Variants in PPOX observed in about 807,000 individuals in gnomAD.
The protein encoded by PPOX is protoporphyrinogen oxidase.
In PPOX, 23 loss-of-function variants were observed where a neutral mutation model predicts 54.1. The observed-to-expected ratio is 0.43, with a 90% confidence interval of 0.31 to 0.60. The LOEUF (loss-of-function observed/expected upper bound fraction) is 0.60, where lower values mean the gene tolerates loss of function less well. Ranked by LOEUF, PPOX falls within the 20% of genes least tolerant of loss-of-function variation. PPOX has a pLI of 0.13. For missense variants in PPOX, 512 were observed against 601.1 expected, an observed-to-expected ratio of 0.85 and a Z score of 1.55; for synonymous variants, 224 against 236.1, an observed-to-expected ratio of 0.95 and a Z score of 0.47.
chr1:161,171,306 C>T, downstream of PPOX: 1 of 1,463,358 alleles, frequency 6.8e-7, no homozygotes. Context: ...AAAGCAGGAG[C>T]AGATGCGAGA....
At chr1:161,173,354 C>T (rs924302559), downstream of PPOX, among the ~76,000 whole-genome samples, 13 of 152,090 alleles carry the variant, frequency 8.5e-5, no homozygotes, top group African/African-American at 2.7e-4. Flanking sequence ...TTCTGGAATC[C>T]GACGATACTA....
At chr1:161,170,128 C>T in intron 9 of PPOX, 104 bp downstream of exon 9, 1 of 1,367,824 alleles carries the variant, frequency 7.3e-7, no homozygotes, top group East Asian at 2.5e-5. Flanking sequence ...AGTTCGAGAC[C>T]AGCCTGGCCA....
downstream of PPOX, chr1:161,171,238 T>C: frequency 6.2e-7 from 1 of 1,611,124 alleles, no homozygotes. Flanking sequence ...GGCTGTTCTA[T>C]CACCTATAGG....
At chr1:161,166,014 G>A, upstream of PPOX, 3 of 872,152 alleles carry the variant, frequency 3.4e-6, no homozygotes, top group Non-Finnish European at 4.1e-6. Flanking sequence ...GTACGTTGCC[G>A]GGCGGCCCTA....
At chr1:161,167,610 G>C in intron 4 of PPOX, 124 bp downstream of exon 4, 1 of 1,291,316 alleles carries the variant, frequency 7.7e-7, no homozygotes, top group Non-Finnish European at 1.0e-6. Flanking sequence ...TCTCGCCCAG[G>C]ATGGAGTGCA....
intron 8 of PPOX, 40 bp from the exon 9 acceptor site, chr1:161,169,866 T>C: frequency 6.2e-7 from 1 of 1,614,138 alleles, no homozygotes. Flanking sequence ...ACAACTGTAA[T>C]GGGAATGCCT....
downstream of PPOX, among the ~76,000 whole-genome samples, chr1:161,175,430 C>T (rs1663134636): frequency 6.6e-6 from 1 of 152,084 alleles, no homozygotes. Context: ...CTTACCTAGC[C>T]TTCTCTTCTT....
downstream of PPOX, chr1:161,172,467 A>G (rs1661810548): frequency 6.9e-6 from 5 of 720,936 alleles, no homozygotes; most frequent in South Asian, 8.0e-5. Context: ...ACAGAAGTCA[A>G]ACAGAAAGAA....
At chr1:161,176,009 A>G (rs1367895370), downstream of PPOX, 1 of 1,614,100 alleles carries the variant, frequency 6.2e-7, no homozygotes, top group Non-Finnish European at 8.5e-7. Context: ...GCCAGCTGGG[A>G]GCCCACAAGC....
chr1:161,172,096 G>T (rs1359228721), downstream of PPOX: 4 of 1,613,928 alleles, frequency 2.5e-6, 1 homozygote, highest in East Asian at 8.9e-5. Flanking sequence ...AAATCTGAGG[G>T]TTAGAGGTTG....
chr1:161,166,520 C>G lies in PPOX; in HGVS notation c.-161C>G. The G allele has an allele frequency of 7.4e-7, 1 of 1,350,266 alleles. No homozygotes were observed. Among genetic ancestry groups the G allele is most frequent in the African/African-American group, 1.5e-5 (1 of 67,986 alleles). The allele number at this position is 1,350,266 out of a possible 1,614,324, so 83.6% of individuals were successfully genotyped here. A position where few individuals can be genotyped will look rare whatever the true frequency, so the allele number is the denominator to read the frequency against. On this transcript the variant is annotated 5_prime_UTR_variant, in exon 1 of 13. Coordinates refer to ENST00000367999, the MANE Select transcript of PPOX (RefSeq NM_001122764.3). ...CAGAGGTGTGGCAAGCAGAGCACCT[C>G]AGAACTCAGGCGTACTGCCCGCCGC...
Position 161,171,141 on chromosome 1 carries a change from GCAGT to G in PPOX, c.1404_1407del (p.Val470TrpfsTer?), listed in dbSNP as rs1335813750. 1.4e-5 allele frequency: 23 copies of G among 1,613,630 alleles called. No homozygotes were observed. The highest frequency in any genetic ancestry group is 2.2e-5 in the East Asian group (1 of 44,872). ...CTGTATAGAGAGTGGGCGCCAGGCAGCAGTCAGTGTCCTGGGCACAGAACCTAAC... is the reference window on the plus strand; with the variant it reads ...CTGTATAGAGAGTGGGCGCCAGGCAGCAGTGTCCTGGGCACAGAACCTAAC... On this transcript the variant is annotated frameshift_variant, in exon 13 of 13. Transcript: ENST00000367999. LOFTEE classifies it high-confidence loss of function.
intron 7 of PPOX, 190 bp from the exon 8 acceptor site, chr1:161,169,470 C>A (rs1660360614): frequency 5.4e-6 from 4 of 736,134 alleles, no homozygotes; most frequent in East Asian, 2.7e-5. Context: ...GTCTGGTCCA[C>A]TTCCTGGAGT....
In PPOX at chr1:161,176,303, C is replaced by G. The variant is rs549328744; in HGVS notation, c.373-546C>G. The stretch of plus-strand genomic sequence containing the variant: ...AGTTTCGCTCTCCTCTACCTCCCCC[C>G]AAACCACTCCCACCATCTACTGTCA... On this transcript the variant is annotated intron_variant, in intron 4 of 4. Transcript: ENST00000497522. The G allele has an allele frequency of 7.2e-4, 417 of 582,794 alleles. 3 individuals carry two copies. The highest frequency in any genetic ancestry group is 7.0e-3 in the African/African-American group (377 of 53,718). The allele number at this position is 582,794 out of a possible 1,614,324, so 36.1% of individuals were successfully genotyped here. A position where few individuals can be genotyped will look rare whatever the true frequency, so the allele number is the denominator to read the frequency against.
upstream of PPOX, chr1:161,166,044 G>GT: frequency 2.1e-6 from 2 of 968,836 alleles, no homozygotes; most frequent in Non-Finnish European, 1.2e-6. Context: ...GGCCCGGTCT[G>GT]TTGCTAACAT....
chr1:161,170,630 G>C lies in PPOX; in HGVS notation c.1109G>C (p.Gly370Ala). The C allele has an allele frequency of 6.2e-7, 1 of 1,614,210 alleles. No individual in the cohort carries two copies. Reference protein sequence around the residue: ...PPGLRVTVMLGGSWLQTLEAS... With the variant: ...PPGLRVTVMLAGSWLQTLEAS... The stretch of plus-strand genomic sequence containing the variant: ...ATATTCCCTCCTTAGGTGATGCTGG[G>C]AGGTTCCTGGTTACAGACACTGGAG... Residue 370 changes from glycine to alanine, a missense_variant, in exon 11 of 13, where the codon GGA (glycine) becomes GCA (alanine). Physicochemically the swap from Gly to Ala is moderately conservative, Grantham distance 60. Transcript: ENST00000367999.
downstream of PPOX, chr1:161,172,119 CA>C: frequency 6.2e-7 from 1 of 1,613,078 alleles, no homozygotes; most frequent in Non-Finnish European, 8.5e-7. Flanking sequence ...GACTAAGACC[CA>C]GAAAGGAACA....
chr1:161,170,149 A>AC (rs1159359019), intron 9 of PPOX, 125 bp downstream of exon 9: 3 of 1,218,982 alleles, frequency 2.5e-6, no homozygotes, highest in Non-Finnish European at 3.5e-6. Context: ...ACATGGTGAA[A>AC]CCCCATCTCT....
At chr1:161,172,327 G>A (rs1661755671), downstream of PPOX, 2 of 1,613,416 alleles carry the variant, frequency 1.2e-6, no homozygotes, top group Non-Finnish European at 8.5e-7. Flanking sequence ...CCAGCCAGGC[G>A]CACCCTATGG....
Sources: gnomAD v4.1 joint callset for allele counts (sites outside exome capture counted in the v4.1 genomes callset) on GRCh38, gnomAD v4.1.1 for gene constraint, MANE v1.5 for transcripts, NCBI Gene and HGNC (gene_info 2026-07-23, HGNC 2026-07-21) for gene names.